RBFOX1: variants seen among roughly 807,000 people sequenced by gnomAD.
The protein encoded by RBFOX1 is RNA binding protein fox-1 homolog 1.
RBFOX1 carries 8 observed loss-of-function variants against 57.7 expected under a neutral mutation model. The observed-to-expected ratio is 0.14, with a 90% confidence interval of 0.08 to 0.25. RBFOX1 has a LOEUF of 0.25. Ranked by LOEUF, RBFOX1 falls within the 10% of genes least tolerant of loss-of-function variation. RBFOX1 has a pLI of 1.00. For missense variants in RBFOX1, 611 were observed against 548.5 expected (o/e 1.11, Z -1.14); for synonymous variants, 326 against 222.4 (o/e 1.47, Z -4.15).
intron 3 of RBFOX1, among the ~76,000 whole-genome samples, chr16:5,662,319 C>G (rs977988407): frequency 2.6e-5 from 4 of 152,162 alleles, no homozygotes; most frequent in African/African-American, 9.6e-5. Context: ...TGTGTGAACG[C>G]TCTCTCTCCA....
chr16:5,373,881 G>C (rs1171867860), intron 1 of RBFOX1, among the ~76,000 whole-genome samples: 1 of 152,070 alleles, frequency 6.6e-6, no homozygotes, highest in Non-Finnish European at 1.5e-5. Context: ...TGGGATTACA[G>C]GCATGAGCCA....
intron 4 of RBFOX1, among the ~76,000 whole-genome samples, chr16:7,512,758 T>G (rs974534648): frequency 2.6e-5 from 4 of 152,242 alleles, no homozygotes; most frequent in African/African-American, 4.8e-5. Flanking sequence ...CTCAAGGCAT[T>G]TCAAAGTCAG....
intron 4 of RBFOX1, among the ~76,000 whole-genome samples, chr16:7,120,941 C>T (rs1436708438): frequency 6.6e-6 from 1 of 150,978 alleles, no homozygotes; most frequent in African/African-American, 2.4e-5. Flanking sequence ...TCCCAGGAGT[C>T]CAAGGCTGGT....
rs149601009 is a variant in RBFOX1 at position 5,555,432 on chromosome 16, G to C, written c.259-43470G>C. The stretch of plus-strand genomic sequence containing the variant: ...GGCCTGGCAAATTTTTGTATTTTTA[G>C]TACAGACGCGGTTTCGCCATCTTGA... On this transcript the variant is annotated intron_variant, in intron 2 of 2. Transcript: ENST00000585867. Among the ~76,000 whole-genome samples, 909 of 151,616 alleles carry C rather than the reference G, an allele frequency of 6.0e-3. 13 individuals are homozygous for C. Among genetic ancestry groups the C allele is most frequent in the African/African-American group, 0.021 (869 of 41,362 alleles).
chr16:7,518,566 T>G (rs970948950), intron 5 of RBFOX1, among the ~76,000 whole-genome samples, 177 bp downstream of exon 5: 2 of 152,222 alleles, frequency 1.3e-5, no homozygotes, highest in African/African-American at 2.4e-5. Context: ...CATTCATTCT[T>G]AGCGTTCATT....
chr16:5,794,899 C>T (rs2054824849), intron 3 of RBFOX1, among the ~76,000 whole-genome samples: 1 of 152,160 alleles, frequency 6.6e-6, no homozygotes, highest in East Asian at 1.9e-4. Flanking sequence ...GCTACCCCAT[C>T]ACATGGGATC....
intron 3 of RBFOX1, among the ~76,000 whole-genome samples, chr16:6,669,335 T>G (rs1191716562): frequency 3.9e-5 from 6 of 152,182 alleles, no homozygotes; most frequent in African/African-American, 1.4e-4. Flanking sequence ...TTTTATCAAG[T>G]TACAAGGCTT....
intron 4 of RBFOX1, among the ~76,000 whole-genome samples, chr16:7,118,282 C>G (rs780627815): frequency 6.6e-6 from 1 of 152,114 alleles, no homozygotes; most frequent in Non-Finnish European, 1.5e-5. Flanking sequence ...AGTGGTCATT[C>G]TGGCTGGGTA....
At chr16:7,642,032 T>C (rs964449667) in intron 11 of RBFOX1, among the ~76,000 whole-genome samples, 1 of 152,148 alleles carries the variant, frequency 6.6e-6, no homozygotes, top group African/African-American at 2.4e-5. Context: ...GGAGGATGAC[T>C]TGAGCCCAGG....
At chr16:6,408,749 C>T (rs898142147) in intron 2 of RBFOX1, among the ~76,000 whole-genome samples, 2 of 152,112 alleles carry the variant, frequency 1.3e-5, no homozygotes, top group African/African-American at 4.8e-5. Flanking sequence ...ATTGAATTCA[C>T]AGGTCAAACA....
At chr16:7,113,264 C>G (rs992108129) in intron 4 of RBFOX1, among the ~76,000 whole-genome samples, 1 of 152,150 alleles carries the variant, frequency 6.6e-6, no homozygotes, top group African/African-American at 2.4e-5. Flanking sequence ...GAGTGTACCT[C>G]TGAGTCATTT....
chr16:6,669,429 A>G (rs993895782), intron 3 of RBFOX1, among the ~76,000 whole-genome samples: 1 of 152,196 alleles, frequency 6.6e-6, no homozygotes, highest in East Asian at 1.9e-4. Flanking sequence ...TCTTAAACTA[A>G]CAGCTATCAG....
intron 4 of RBFOX1, among the ~76,000 whole-genome samples, chr16:5,958,204 T>C (rs1370207994): frequency 1.3e-5 from 2 of 152,222 alleles, no homozygotes. Context: ...AAAGGGGTGC[T>C]ATAAATGTTT....
chr16:7,001,398 T>TGTATGTGTATGTGTATA (rs2092782327), intron 3 of RBFOX1, among the ~76,000 whole-genome samples: 2 of 100,890 alleles, frequency 2.0e-5, no homozygotes, highest in African/African-American at 3.5e-5. Context: ...GTATGTGTAT[T>TGTATGTGTATGTGTATA]TGTATATGTA....
At chr16:6,191,288 A>G (rs1196057289) in intron 1 of RBFOX1, among the ~76,000 whole-genome samples, 1 of 152,058 alleles carries the variant, frequency 6.6e-6, no homozygotes, top group Non-Finnish European at 1.5e-5. Flanking sequence ...TCCCTGTCAT[A>G]GTGCCTGTGA....
chr16:5,682,987 C>T (rs918435203), intron 3 of RBFOX1, among the ~76,000 whole-genome samples: 1 of 152,194 alleles, frequency 6.6e-6, no homozygotes, highest in Non-Finnish European at 1.5e-5. Flanking sequence ...AATTCTTTAA[C>T]CTCTCTGAAC....
At chr16:6,540,102 T>A (rs187302171) in intron 2 of RBFOX1, among the ~76,000 whole-genome samples, 43 of 152,246 alleles carry the variant, frequency 2.8e-4, no homozygotes, top group African/African-American at 9.1e-4. Context: ...CTGCCCTCTG[T>A]CAGTTGAAGA....
chr16:6,245,270 T>A (rs2152933412), intron 1 of RBFOX1, among the ~76,000 whole-genome samples: 1 of 152,258 alleles, frequency 6.6e-6, no homozygotes, highest in Admixed American at 6.5e-5. Context: ...TTATTTGCGC[T>A]TTCTTGTAGG....
At chr16:6,116,480 C>A (rs1371757236) in intron 1 of RBFOX1, among the ~76,000 whole-genome samples, 1 of 152,170 alleles carries the variant, frequency 6.6e-6, no homozygotes, top group Non-Finnish European at 1.5e-5. Context: ...TAGGAAGATA[C>A]TACCATGCAT....
Sources: gnomAD v4.1 joint callset for allele counts (sites outside exome capture counted in the v4.1 genomes callset) on GRCh38, gnomAD v4.1.1 for gene constraint, MANE v1.5 for transcripts, NCBI Gene and HGNC (gene_info 2026-07-23, HGNC 2026-07-21) for gene names.